RADIL: variants seen among roughly 807,000 people sequenced by gnomAD.
RADIL encodes the protein Rap associating with DIL domain.
RADIL carries 99 observed loss-of-function variants against 97.6 expected under a neutral mutation model. That is an observed-to-expected ratio of 1.01 (90% CI 0.86 to 1.20). RADIL has a LOEUF of 1.20. Ranked by LOEUF, RADIL falls within the 50% of genes most tolerant of loss-of-function variation. The pLI, the probability that RADIL is intolerant of heterozygous loss-of-function variation, is 0.00. For missense variants in RADIL, 1,765 were observed against 1,498.9 expected (o/e 1.18, Z -2.93); for synonymous variants, 803 against 691.8 (o/e 1.16, Z -2.52).
Position 4,842,887 on chromosome 7 carries a change from G to A in RADIL, c.536-6282C>T, listed in dbSNP as rs1783479980. ...TTTGCTATGTTGCCCAGGCTGGAGTGCAGTGTGGATTCACAGGCGTGGTCA... is the reference window on the plus strand; with the variant it reads ...TTTGCTATGTTGCCCAGGCTGGAGTACAGTGTGGATTCACAGGCGTGGTCA... On this transcript the variant is annotated intron_variant, in intron 2 of 14. Transcript: ENST00000399583. The surrounding 1 kb of genome is among the most constrained non-coding windows in gnomAD (Gnocchi z 4.5). Among the ~76,000 whole-genome samples the A allele has an allele frequency of 6.6e-6, 1 of 152,110 alleles. No homozygotes were observed. The highest frequency in any genetic ancestry group is 6.6e-5 in the Admixed American group (1 of 15,256).
intron 11 of RADIL, among the ~76,000 whole-genome samples, chr7:4,802,293 GGGGCCCCC>G (rs1782115930): frequency 6.9e-6 from 1 of 145,916 alleles, no homozygotes; most frequent in African/African-American, 2.6e-5. Context: ...CGCTGGCTGG[GGGGCCCCC>G]TCCCCAGGTA....
At chr7:4,855,726 C>T (rs1208079278) in intron 2 of RADIL, among the ~76,000 whole-genome samples, 2 of 150,062 alleles carry the variant, frequency 1.3e-5, no homozygotes, top group Admixed American at 6.7e-5. Context: ...ATTGGCCGTT[C>T]CTAGCTCCTC....
At position 4,875,191 on chromosome 7, in the gene RADIL, CCAACAACAACAACAACAA is replaced by C. The variant is rs145735931; in HGVS notation, c.535+2396_535+2413del. ...TGGGCGACAGAGCGAGACTCCATCTCCAACAACAACAACAACAACAACAACAACAACAACAACAACAAC... is the reference window on the plus strand; with the variant it reads ...TGGGCGACAGAGCGAGACTCCATCTCCAACAACAACAACAACAACAACAAC... On this transcript the variant is annotated intron_variant, in intron 2 of 14. Transcript: ENST00000399583. Among the ~76,000 whole-genome samples, 361 of 110,230 alleles carry C rather than the reference CCAACAACAACAACAACAA, an allele frequency of 3.3e-3. 24 individuals are homozygous for C. The highest frequency in any genetic ancestry group is 0.013 in the African/African-American group (255 of 18,968). 72.3% of individuals were successfully genotyped at this position (110,230 alleles called of 152,430 possible).
rs569156039 is a variant in RADIL, at chr7:4,798,234, G to A, written c.*1144C>T. The A allele has an allele frequency of 1.4e-3, 218 of 152,110 alleles. 3 individuals are homozygous for A. Among genetic ancestry groups the A allele is most frequent in the African/African-American group, 5.1e-3 (210 of 41,522 alleles). 9.4% of individuals were successfully genotyped at this position (152,110 alleles called of 1,614,324 possible). A position where few individuals can be genotyped will look rare whatever the true frequency, so the allele number is the denominator to read the frequency against. ...TGCGGAGCCGCACACAGAACTGCGG[G>A]TCGGCAGAGGGCGCGGGGCGGACGC... On this transcript the variant is annotated 3_prime_UTR_variant, in exon 15 of 15. Coordinates refer to ENST00000399583, the MANE Select transcript of RADIL (RefSeq NM_018059.5).
chr7:4,822,595 C>A lies in RADIL; in HGVS notation c.1455-41G>T, dbSNP rs753444693. On this transcript the variant is annotated intron_variant, in intron 5 of 14. Transcript: ENST00000399583. The surrounding 1 kb of genome is among the most constrained non-coding windows in gnomAD (Gnocchi z 5.3). ...GACTAAGAGTTACGCGGGGACCCGA[C>A]CCTCAGGAGGCTGAATCTACCACTC... 8 of 1,593,018 alleles carry A rather than the reference C, an allele frequency of 5.0e-6. No homozygotes were observed. Among genetic ancestry groups the A allele is most frequent in the Non-Finnish European group, 6.8e-6 (8 of 1,171,396 alleles).
intron 2 of RADIL, chr7:4,861,685 C>T (rs1389082709): frequency 1.9e-6 from 3 of 1,587,894 alleles, no homozygotes; most frequent in South Asian, 2.3e-5. Context: ...TTTCTATTAG[C>T]CTCTGGGTGA....
chr7:4,861,154 G>A, intron 2 of RADIL: 1 of 1,614,210 alleles, frequency 6.2e-7, no homozygotes, highest in Middle Eastern at 1.6e-4. Context: ...GCCTGAAGTT[G>A]TCAATGTTTG....
intron 10 of RADIL, chr7:4,803,988 G>C (rs1206485431): frequency 4.9e-6 from 3 of 606,926 alleles, no homozygotes; most frequent in East Asian, 5.9e-5. Context: ...TCAGGACTGA[G>C]AACAAGGCCT....
chr7:4,801,954 C>T lies in RADIL; in HGVS notation c.2541G>A (p.Pro847=), dbSNP rs769324009. The part of the protein sequence containing the change: ...HVVLDGHLEA[P]SCPLAPRDPG... ...GGTCCCTGGGAGCCAGGGGGCAGCT[C>T]GGGGCCTCCAGGTGCCCGTCAAGGA... The change falls in exon 12 of 15, where the codon CCG becomes CCA. Residue 847 remains proline (P), a synonymous_variant. Transcript: ENST00000399583. The T allele has an allele frequency of 2.3e-5, 36 of 1,558,096 alleles. No individual in the cohort carries two copies. The highest frequency in any genetic ancestry group is 4.1e-5 in the African/African-American group (3 of 72,662).
intron 1 of RADIL, chr7:4,882,166 GCCAGA>G (rs1300644420): frequency 6.6e-6 from 1 of 152,238 alleles, no homozygotes; most frequent in Non-Finnish European, 1.5e-5. Context: ...TCCTCCCTTG[GCCAGA>G]CCAGAGGGTG....
Position 4,835,098 on chromosome 7 carries a change from C to G in RADIL, c.925G>C (p.Gly309Arg), listed in dbSNP as rs144507770. The change falls in exon 4 of 15, where the codon GGC (glycine) becomes CGC (arginine). Residue 309 changes from glycine to arginine, a missense_variant. Coordinates refer to ENST00000399583, the MANE Select transcript of RADIL (RefSeq NM_018059.5). This position sits in a 1 kb window ranked among gnomAD's most constrained non-coding sequence, Gnocchi z 5.8. Reference sequence around the variant, plus strand: ...AGGACCAGCCTCCCCGCGGCCTGGCCGCTGTCCGGGAGCGGTTGCCGGCGG... The same window carrying G: ...AGGACCAGCCTCCCCGCGGCCTGGCGGCTGTCCGGGAGCGGTTGCCGGCGG... Reference protein sequence around the residue: ...TIRRQPLPDSGQAAGRLVLEP... With the variant: ...TIRRQPLPDSRQAAGRLVLEP... 0.02 allele frequency: 31,783 copies of G among 1,608,240 alleles called. 405 individuals are homozygous for G. Among genetic ancestry groups the G allele is most frequent in the Middle Eastern group, 0.03 (184 of 6,058 alleles).
At chr7:4,826,495 G>A (rs1782981156) in intron 5 of RADIL, among the ~76,000 whole-genome samples, 1 of 152,120 alleles carries the variant, frequency 6.6e-6, no homozygotes, top group Non-Finnish European at 1.5e-5. Flanking sequence ...CACTTTGGGA[G>A]GCTGAGGCGG....
At chr7:4,816,493 C>G (rs1782682021) in intron 7 of RADIL, 28 bp from the exon 8 acceptor site, 1 of 1,571,230 alleles carries the variant, frequency 6.4e-7, no homozygotes, top group Non-Finnish European at 8.7e-7. Context: ...AGAACAGCAA[C>G]CAGCATTTCC....
intron 9 of RADIL, among the ~76,000 whole-genome samples, chr7:4,807,093 G>C (rs1166558727): frequency 6.6e-6 from 1 of 152,088 alleles, no homozygotes; most frequent in African/African-American, 2.4e-5. Context: ...GACTCCCACT[G>C]TTTGGATGTG....
At chr7:4,829,887 A>G (rs28637135) in intron 5 of RADIL, among the ~76,000 whole-genome samples, 5,323 of 152,180 alleles carry the variant, frequency 0.035, 119 homozygotes, top group African/African-American at 0.063. Context: ...TAAATTACCC[A>G]GTCTCGGATA....
rs565862170 is a variant in RADIL, at chr7:4,841,840, G to A, written c.536-5235C>T. ...TCCCAGCACTTTGGGAGGCCGAGGCGGGAGGATGGCTTGGGTTCAAGCCGA... is the reference window on the plus strand; with the variant it reads ...TCCCAGCACTTTGGGAGGCCGAGGCAGGAGGATGGCTTGGGTTCAAGCCGA... On this transcript the variant is annotated intron_variant, in intron 2 of 14. Coordinates refer to ENST00000399583, the MANE Select transcript of RADIL (RefSeq NM_018059.5). 2.4e-4 allele frequency among the ~76,000 whole-genome samples: 37 copies of A among 152,326 alleles called. 1 individual carries two copies. The highest frequency in any genetic ancestry group is 8.4e-4 in the African/African-American group (35 of 41,584).
At chr7:4,844,786 T>C (rs766570386) in intron 2 of RADIL, among the ~76,000 whole-genome samples, 15 of 152,064 alleles carry the variant, frequency 9.9e-5, no homozygotes, top group Non-Finnish European at 1.5e-4. Flanking sequence ...GTATTTTTTA[T>C]AGAGACAGGG....
intron 4 of RADIL, among the ~76,000 whole-genome samples, chr7:4,833,914 A>ATT (rs774638251): frequency 6.6e-6 from 1 of 152,034 alleles, no homozygotes; most frequent in Non-Finnish European, 1.5e-5. Flanking sequence ...CCATGGGTGT[A>ATT]TTGCGTGTGT....
intron 1 of RADIL, among the ~76,000 whole-genome samples, chr7:4,881,604 G>A (rs558302996): frequency 2.6e-4 from 40 of 151,450 alleles, no homozygotes; most frequent in African/African-American, 9.4e-4. Flanking sequence ...GCGGGTGCCT[G>A]TAACCCCAGC....
Sources: gnomAD v4.1 joint callset for allele counts (sites outside exome capture counted in the v4.1 genomes callset) on GRCh38, gnomAD v4.1.1 for gene constraint, Gnocchi (gnomAD v3.1) non-coding constraint, MANE v1.5 for transcripts, NCBI Gene and HGNC (gene_info 2026-07-23, HGNC 2026-07-21) for gene names.